MACO1: variants seen among roughly 807,000 people sequenced by gnomAD.
MACO1 encodes the protein macoilin.
In MACO1, 14 loss-of-function variants were observed where a neutral mutation model predicts 78.7. The observed-to-expected ratio is 0.18, with a 90% CI of 0.12 to 0.28. The LOEUF is 0.28. Ranked by LOEUF, MACO1 falls within the 10% of genes least tolerant of loss-of-function variation. MACO1 has a pLI of 1.00. For synonymous variants in MACO1, 288 were observed against 291.6 expected (o/e 0.99, Z 0.12); for missense variants, 501 against 799.0 (o/e 0.63, Z 4.50).
At chr1:25,491,807 A>G (rs756689439) in intron 10 of MACO1, among the ~76,000 whole-genome samples, 1 of 152,268 alleles carries the variant, frequency 6.6e-6, no homozygotes, top group East Asian at 1.9e-4. Flanking sequence ...AGAGAATAGT[A>G]TGATTTCTAC....
At chr1:25,449,835 A>T (rs774039506) in intron 3 of MACO1, among the ~76,000 whole-genome samples, 1 of 152,232 alleles carries the variant, frequency 6.6e-6, no homozygotes, top group Non-Finnish European at 1.5e-5. Flanking sequence ...CCTGGTCAAC[A>T]TGGTGAAACC....
At chr1:25,456,400 A>G (rs139969907) in intron 4 of MACO1, among the ~76,000 whole-genome samples, 21 of 152,222 alleles carry the variant, frequency 1.4e-4, no homozygotes, top group African/African-American at 4.6e-4. Context: ...AAGAATGCCA[A>G]CGTCTAATGG....
At position 25,454,470 on chromosome 1, in the gene MACO1, GTA is replaced by G. The variant is rs1480003093; in HGVS notation, c.473+106_473+107del. On this transcript the variant is annotated intron_variant, in intron 4 of 10. Coordinates refer to ENST00000374343, the MANE Select transcript of MACO1 (RefSeq NM_018202.6). ...TGTGTGTGTGTGTGTGTGTGTGTGT[GTA>G]TATATATATATATATATTTTTTTTT... The G allele has an allele frequency of 3.1e-3, 270 of 86,534 alleles. 2 individuals are homozygous for G. The highest frequency in any genetic ancestry group is 0.01 in the East Asian group (27 of 2,596). 5.4% of individuals were successfully genotyped at this position (86,534 alleles called of 1,614,324 possible).
At chr1:25,458,284 G>T (rs1196648107) in intron 5 of MACO1, 107 bp from the exon 6 acceptor site, 2 of 1,439,942 alleles carry the variant, frequency 1.4e-6, no homozygotes, top group African/African-American at 2.9e-5. Context: ...AAACTAATGT[G>T]AATTTCTTAA....
intron 6 of MACO1, among the ~76,000 whole-genome samples, chr1:25,482,132 G>A (rs1419444429): frequency 6.6e-6 from 1 of 152,062 alleles, no homozygotes; most frequent in Non-Finnish European, 1.5e-5. Flanking sequence ...AGAAATCTTG[G>A]TTCTGTTGGT....
chr1:25,449,636 C>T (rs1019192796), intron 3 of MACO1, among the ~76,000 whole-genome samples: 2 of 152,140 alleles, frequency 1.3e-5, no homozygotes, highest in African/African-American at 2.4e-5. Flanking sequence ...TCCTAAGTAT[C>T]TGGACTAAGC....
chr1:25,472,549 G>T (rs762953780), intron 6 of MACO1, among the ~76,000 whole-genome samples: 10 of 152,162 alleles, frequency 6.6e-5, no homozygotes, highest in Non-Finnish European at 1.3e-4. Flanking sequence ...TCTCTCCAAG[G>T]AGATCCTCCA....
At chr1:25,434,961 T>G (rs1466273226) in intron 1 of MACO1, among the ~76,000 whole-genome samples, 1 of 152,144 alleles carries the variant, frequency 6.6e-6, no homozygotes, top group African/African-American at 2.4e-5. Context: ...TGCCATACTT[T>G]CCACTCCCTT....
intron 6 of MACO1, among the ~76,000 whole-genome samples, chr1:25,460,624 C>T (rs2043162585): frequency 6.6e-6 from 1 of 151,684 alleles, no homozygotes; most frequent in African/African-American, 2.4e-5. Context: ...CAGGCTGACA[C>T]AAGTTTAGTA....
chr1:25,493,213 ACC>A (rs2043502699), intron 10 of MACO1, among the ~76,000 whole-genome samples: 1 of 152,158 alleles, frequency 6.6e-6, no homozygotes, highest in African/African-American at 2.4e-5. Context: ...ATCAATATTT[ACC>A]TACTAGAAAT....
chr1:25,443,223 A>G (rs1483899418), intron 1 of MACO1, among the ~76,000 whole-genome samples: 3 of 152,310 alleles, frequency 2.0e-5, no homozygotes, highest in Admixed American at 6.5e-5. Flanking sequence ...CTGTACATGT[A>G]CCTACAGAAG....
chr1:25,489,427 G>T, intron 9 of MACO1, 134 bp downstream of exon 9: 1 of 1,047,418 alleles, frequency 9.5e-7, no homozygotes, highest in Non-Finnish European at 1.3e-6. Flanking sequence ...ATCTCTATGT[G>T]ACAAAAAGAT....
At chr1:25,475,918 T>C (rs1175147550) in intron 6 of MACO1, among the ~76,000 whole-genome samples, 1 of 152,220 alleles carries the variant, frequency 6.6e-6, no homozygotes, top group African/African-American at 2.4e-5. Flanking sequence ...TTGAATATTC[T>C]TCATTGGTGA....
At position 25,474,691 on chromosome 1, in the gene MACO1, T is replaced by G. The variant is rs187863310; in HGVS notation, c.1155-9425T>G. On this transcript the variant is annotated intron_variant, in intron 6 of 10. Coordinates refer to ENST00000374343, the MANE Select transcript of MACO1 (RefSeq NM_018202.6). ...CAAACTATACTGTGCAGAGAGCTGC[T>G]TACTCCATCTGTGTCTAGGACTGGT... Among the ~76,000 whole-genome samples the G allele has an allele frequency of 3.0e-3, 456 of 152,346 alleles. 2 individuals carry two copies. Among genetic ancestry groups the G allele is most frequent in the Admixed American group, 4.6e-3 (71 of 15,304 alleles).
intron 6 of MACO1, among the ~76,000 whole-genome samples, chr1:25,465,312 A>G (rs2043208930): frequency 6.6e-6 from 1 of 152,204 alleles, no homozygotes; most frequent in South Asian, 2.1e-4. Context: ...GCTTCTTTGG[A>G]TAAATTCCAA....
chr1:25,494,620 C>CA (rs2043518589), intron 10 of MACO1, among the ~76,000 whole-genome samples: 1 of 152,086 alleles, frequency 6.6e-6, no homozygotes. Context: ...TGAGTGGAGA[C>CA]AGACTGTGAG....
chr1:25,472,268 G>A (rs2043277948), intron 6 of MACO1, among the ~76,000 whole-genome samples: 1 of 152,046 alleles, frequency 6.6e-6, no homozygotes. Context: ...AGAATGTGCA[G>A]GTTTGTTACA....
At chr1:25,475,737 A>G (rs2043316531) in intron 6 of MACO1, among the ~76,000 whole-genome samples, 1 of 152,174 alleles carries the variant, frequency 6.6e-6, no homozygotes, top group Non-Finnish European at 1.5e-5. Context: ...TGTTAAAAAT[A>G]AGTTATGCAT....
At chr1:25,488,826 A>G (rs141232103) in intron 8 of MACO1, among the ~76,000 whole-genome samples, 3,541 of 151,282 alleles carry the variant, frequency 0.023, 66 homozygotes, top group Non-Finnish European at 0.034. Context: ...TTATTTATTT[A>G]TTTGTTTTTG....
Sources: gnomAD v4.1 joint callset for allele counts (sites outside exome capture counted in the v4.1 genomes callset) on GRCh38, gnomAD v4.1.1 for gene constraint, MANE v1.5 for transcripts, NCBI Gene and HGNC (gene_info 2026-07-23, HGNC 2026-07-21) for gene names.